Variants in HPSE2 observed in about 807,000 individuals in gnomAD.
HPSE2 encodes the protein heparanase 2 (inactive).
Under a neutral mutation model 60.5 loss-of-function variants are expected in HPSE2, and 38 were observed. That is an observed-to-expected ratio of 0.63 (90% CI 0.48 to 0.82). HPSE2 has a LOEUF of 0.82. Ranked by LOEUF, HPSE2 falls within the 40% of genes least tolerant of loss-of-function variation. The pLI, the probability that HPSE2 is intolerant of heterozygous loss-of-function variation, is 0.00. For missense variants in HPSE2, 713 were observed against 740.4 expected, an observed-to-expected ratio of 0.96 and a Z score of 0.43; for synonymous variants, 295 against 293.2, an observed-to-expected ratio of 1.01 and a Z score of -0.06.
chr10:98,468,837 T>C (rs907561746), intron 11 of HPSE2, among the ~76,000 whole-genome samples: 1 of 152,146 alleles, frequency 6.6e-6, no homozygotes, highest in African/African-American at 2.4e-5. Context: ...TCCTGTTCCC[T>C]TGCCCTTCCA....
the HPSE2 span, among the ~76,000 whole-genome samples, chr10:99,264,785 G>A: frequency 1.3e-5 from 2 of 150,184 alleles, no homozygotes; most frequent in Non-Finnish European, 3.0e-5. Flanking sequence ...TATGACAAAT[G>A]CTCCTTCTAA....
At chr10:99,238,803 T>C (rs1243688829), upstream of HPSE2, among the ~76,000 whole-genome samples, 1 of 152,200 alleles carries the variant, frequency 6.6e-6, no homozygotes, top group Non-Finnish European at 1.5e-5. Context: ...GACAGCAATC[T>C]GCATCTCTGT....
In HPSE2 at chr10:98,991,399, G is replaced by C. The variant is rs113033325; in HGVS notation, c.610+152839C>G. 1.8e-3 allele frequency among the ~76,000 whole-genome samples: 274 copies of C among 152,286 alleles called. 1 individual carries two copies. Among genetic ancestry groups the C allele is most frequent in the African/African-American group, 6.5e-3 (270 of 41,574 alleles). On this transcript the variant is annotated intron_variant, in intron 3 of 11. Transcript: ENST00000370552. ...ATTTTCAAGCAGGAGAACAGCTAAT[G>C]CAAAGGCCCTTACACTAGAGCATGC... is the stretch of plus-strand genomic sequence containing the variant.
chr10:98,728,075 A>C (rs543647786), intron 4 of HPSE2, among the ~76,000 whole-genome samples: 1 of 152,350 alleles, frequency 6.6e-6, no homozygotes, highest in South Asian at 2.1e-4. Context: ...GATTGGAATA[A>C]AATGATACCA....
chr10:98,592,931 A>T (rs889637202), intron 9 of HPSE2, among the ~76,000 whole-genome samples: 2 of 152,200 alleles, frequency 1.3e-5, no homozygotes, highest in Non-Finnish European at 2.9e-5. Flanking sequence ...ATAGAGAGTG[A>T]TTAAATAATT....
At chr10:98,830,083 C>CTCATTCAT (rs879661645) in intron 3 of HPSE2, among the ~76,000 whole-genome samples, 6 of 151,906 alleles carry the variant, frequency 3.9e-5, no homozygotes, top group Non-Finnish European at 8.9e-5. Flanking sequence ...TTCTCATTCA[C>CTCATTCAT]TCATTCATTC....
chr10:98,640,516 G>T lies in HPSE2; in HGVS notation c.1098+1331C>A, dbSNP rs1156938023. Among the ~76,000 whole-genome samples the T allele has an allele frequency of 2.0e-5, 3 of 152,162 alleles. No individual in the cohort carries two copies. In the East Asian group the frequency reaches 5.8e-4, roughly 29 times the overall value. On this transcript the variant is annotated intron_variant, in intron 7 of 11. Transcript: ENST00000370552. The stretch of plus-strand genomic sequence containing the variant: ...TGACATTGGGATGAATACAAAAAAG[G>T]TCAAGACCTCCACTTTAGCTCTCAA...
At chr10:98,775,097 C>T (rs979131160) in intron 3 of HPSE2, among the ~76,000 whole-genome samples, 4 of 152,194 alleles carry the variant, frequency 2.6e-5, no homozygotes, top group Admixed American at 2.6e-4. Flanking sequence ...AAACACAGCA[C>T]ACAAATTTGA....
chr10:98,685,537 T>G (rs1202324469), intron 6 of HPSE2, among the ~76,000 whole-genome samples: 1 of 152,196 alleles, frequency 6.6e-6, no homozygotes, highest in Admixed American at 6.5e-5. Flanking sequence ...GCTTTTTCAC[T>G]CAGCATATTG....
intron 3 of HPSE2, among the ~76,000 whole-genome samples, chr10:98,901,433 C>T (rs773784776): frequency 6.6e-6 from 1 of 152,210 alleles, no homozygotes; most frequent in Non-Finnish European, 1.5e-5. Context: ...AATCCAATCT[C>T]CAACTGAATG....
At chr10:98,806,535 G>A (rs1201209419) in intron 3 of HPSE2, among the ~76,000 whole-genome samples, 1 of 152,154 alleles carries the variant, frequency 6.6e-6, no homozygotes, top group African/African-American at 2.4e-5. Context: ...TCAGCTCTCT[G>A]AAAAATGGGA....
chr10:98,599,273 T>C (rs1237687029), intron 9 of HPSE2, among the ~76,000 whole-genome samples: 1 of 151,924 alleles, frequency 6.6e-6, no homozygotes. Flanking sequence ...AGCTGGCTGG[T>C]GCTAGACGGG....
intron 1 of HPSE2, 121 bp from the exon 2 acceptor site, chr10:99,232,626 G>T (rs1483033243): frequency 1.8e-6 from 2 of 1,124,124 alleles, no homozygotes; most frequent in Non-Finnish European, 2.6e-6. Context: ...GAGGCTCTGT[G>T]CCTGCCCCAG....
chr10:99,191,168 A>C (rs796916288), intron 2 of HPSE2, among the ~76,000 whole-genome samples: 8 of 152,136 alleles, frequency 5.3e-5, no homozygotes, highest in African/African-American at 1.9e-4. Flanking sequence ...CTCCCAGACA[A>C]CACCTCTGGA....
chr10:98,600,911 G>GTATATATATATATATATA (rs71007402), intron 9 of HPSE2, among the ~76,000 whole-genome samples: 8 of 73,702 alleles, frequency 1.1e-4, no homozygotes, highest in African/African-American at 2.6e-4. Flanking sequence ...ATGTGTGTGT[G>GTATATATATATATATATA]TATATATATA....
the HPSE2 span, among the ~76,000 whole-genome samples, chr10:99,288,948 T>C: frequency 6.6e-6 from 1 of 152,174 alleles, no homozygotes; most frequent in Non-Finnish European, 1.5e-5. Context: ...TAGCTGTGAA[T>C]ATTTTCATAG....
At chr10:98,587,693 T>C (rs6584214) in intron 9 of HPSE2, among the ~76,000 whole-genome samples, 137,021 of 152,176 alleles carry the variant, frequency 0.9, 62,043 homozygotes, top group East Asian at 0.95. Context: ...TCACCCCTCC[T>C]TCTGAATCCC....
chr10:98,732,882 A>G (rs1220196383), intron 4 of HPSE2, among the ~76,000 whole-genome samples: 2 of 152,202 alleles, frequency 1.3e-5, no homozygotes, highest in East Asian at 3.9e-4. Context: ...TTAAAAAAAT[A>G]CGTGTATCCA....
chr10:98,963,597 T>C (rs915382770), intron 3 of HPSE2, among the ~76,000 whole-genome samples: 2 of 152,178 alleles, frequency 1.3e-5, no homozygotes, highest in Admixed American at 6.6e-5. Context: ...GGTTTCTATA[T>C]GCCAGCCACA....
Sources: gnomAD v4.1 joint callset for allele counts (sites outside exome capture counted in the v4.1 genomes callset) on GRCh38, gnomAD v4.1.1 for gene constraint, MANE v1.5 for transcripts, NCBI Gene and HGNC (gene_info 2026-07-23, HGNC 2026-07-21) for gene names.